Variants in LIG3 observed in about 807,000 individuals in gnomAD.
LIG3 encodes ligase II, DNA, ATP-dependent.
Under a neutral mutation model 110.9 loss-of-function variants are expected in LIG3, and 58 were observed. The observed-to-expected ratio is 0.52, with a 90% CI of 0.42 to 0.65. The LOEUF is 0.65. Ranked by LOEUF, LIG3 falls within the 30% of genes least tolerant of loss-of-function variation. The probability of loss-of-function intolerance (pLI) is 0.00; values close to 1 mark genes in which losing one functional copy is unlikely to be tolerated. For synonymous variants in LIG3, 422 were observed against 472.8 expected (o/e 0.89, Z 1.39); for missense variants, 1,094 against 1,273.8 (o/e 0.86, Z 2.15).
In LIG3 at chr17:35,005,198, C is replaced by T. The variant is rs1195304020; in HGVS notation, c.*692C>T. On this transcript the variant is annotated 3_prime_UTR_variant, in exon 20 of 20. Coordinates refer to ENST00000378526, the MANE Select transcript of LIG3 (RefSeq NM_013975.4). Reference sequence around the variant, plus strand: ...CACTCCTCTGGAGGGATAGAGGGCTCCAGGAAGATCTGCATCCCCAAAACC... The same window carrying T: ...CACTCCTCTGGAGGGATAGAGGGCTTCAGGAAGATCTGCATCCCCAAAACC... 1 of 427,530 alleles carries T rather than the reference C, an allele frequency of 2.3e-6. No homozygotes were observed. The highest frequency in any genetic ancestry group is 4.7e-6 in the Non-Finnish European group (1 of 212,790). 26.5% of individuals were successfully genotyped at this position (427,530 alleles called of 1,614,324 possible).
chr17:35,003,999 G>T, intron 19 of LIG3: 1 of 409,282 alleles, frequency 2.4e-6, no homozygotes, highest in Non-Finnish European at 4.5e-6. Context: ...TGACTGGGTG[G>T]CTCTTATACA....
At chr17:34,981,977 T>G (rs1328854203) in intron 1 of LIG3, among the ~76,000 whole-genome samples, 1 of 152,230 alleles carries the variant, frequency 6.6e-6, no homozygotes, top group Non-Finnish European at 1.5e-5. Flanking sequence ...AGCCTCTTCT[T>G]GAAAGATAAC....
intron 9 of LIG3, among the ~76,000 whole-genome samples, chr17:34,995,653 T>C (rs1050278978): frequency 6.6e-6 from 1 of 152,202 alleles, no homozygotes; most frequent in African/African-American, 2.4e-5. Context: ...AGTTCATTTC[T>C]ACCTTTCTGG....
intron 19 of LIG3, 144 bp downstream of exon 19, chr17:35,002,933 C>G: frequency 6.2e-7 from 1 of 1,611,128 alleles, no homozygotes; most frequent in Admixed American, 1.7e-5. Context: ...GCAGCCACTC[C>G]TCTGTCGTGG....
At position 34,983,036 on chromosome 17, in the gene LIG3, C is replaced by T; in HGVS notation, c.31C>T (p.Gln11Ter). The change falls in exon 2 of 20, where the codon CAA becomes TAA. Residue 11 changes from glutamine (Q) to a stop codon, truncating the protein, a stop_gained. Transcript: ENST00000378526. LOFTEE classifies it high-confidence loss of function. ...TTTGGCTTTCAAGATCTTCTTTCCACAAACCCTCCGTGCACTCAGCCGAAA... is the reference window on the plus strand; with the variant it reads ...TTTGGCTTTCAAGATCTTCTTTCCATAAACCCTCCGTGCACTCAGCCGAAA... MSLAFKIFFP[Q>*]TLRALSRKEL... The T allele has an allele frequency of 6.3e-7, 1 of 1,597,578 alleles. No individual in the cohort carries two copies.
rs1369765098 is a variant in LIG3 at position 35,005,446 on chromosome 17, TATATG to T, written c.*945_*949del. 2 of 560,582 alleles carry T rather than the reference TATATG, an allele frequency of 3.6e-6. No individual in the cohort carries two copies. The highest frequency in any genetic ancestry group is 9.4e-5 in the East Asian group (2 of 21,282). 34.7% of individuals were successfully genotyped at this position (560,582 alleles called of 1,614,324 possible). A position where few individuals can be genotyped will look rare whatever the true frequency, so the allele number is the denominator to read the frequency against. ...ACTTCCTCATGACTGGAGGAATAAT[TATATG>T]ATATTGTTGAACCCCCAAGTATTGG... is the stretch of plus-strand genomic sequence containing the variant. On this transcript the variant is annotated 3_prime_UTR_variant, in exon 20 of 20. Coordinates refer to ENST00000378526, the MANE Select transcript of LIG3 (RefSeq NM_013975.4).
chr17:34,981,432 C>G (rs2090591078), intron 1 of LIG3: 1 of 152,164 alleles, frequency 6.6e-6, no homozygotes, highest in African/African-American at 2.4e-5. Context: ...AGACCTCCTC[C>G]AAAAAACCGT....
rs757272801 is a variant in LIG3, at chr17:34,983,328, G to T, written c.323G>T (p.Cys108Phe). Residue 108 changes from cysteine to phenylalanine, a missense_variant, in exon 2 of 20, where the codon TGC (cysteine) becomes TTC (phenylalanine). Coordinates refer to ENST00000378526, the MANE Select transcript of LIG3 (RefSeq NM_013975.4). Reference sequence around the variant, plus strand: ...CGTGGCACAGCTGGCTGCAAAAAATGCAAGGAAAAGATTGTGAAGGGCGTA... The same window carrying T: ...CGTGGCACAGCTGGCTGCAAAAAATTCAAGGAAAAGATTGTGAAGGGCGTA... ...AKRGTAGCKKCKEKIVKGVCR... is the reference protein window; with the variant it reads ...AKRGTAGCKKFKEKIVKGVCR... 3 of 1,614,254 alleles carry T rather than the reference G, an allele frequency of 1.9e-6. No homozygotes were observed. The South Asian group carries it at 3.3e-5, about 18-fold the overall frequency.
intron 16 of LIG3, 104 bp downstream of exon 16, chr17:34,999,960 A>G: frequency 2.3e-6 from 2 of 888,830 alleles, no homozygotes; most frequent in Non-Finnish European, 3.6e-6. Context: ...CCACCCAGGG[A>G]TAGGGGTCTG....
intron 10 of LIG3, 93 bp from the exon 11 acceptor site, chr17:34,996,481 C>A: frequency 9.9e-7 from 1 of 1,012,002 alleles, no homozygotes; most frequent in Non-Finnish European, 1.5e-6. Context: ...TCATCCGGTG[C>A]CTCAGGGGGC....
At chr17:34,981,774 G>C (rs571338588) in intron 1 of LIG3, among the ~76,000 whole-genome samples, 2 of 152,324 alleles carry the variant, frequency 1.3e-5, no homozygotes, top group East Asian at 3.9e-4. Flanking sequence ...AGCGTGTGCA[G>C]ACTGAACATA....
chr17:35,002,710 A>G lies in LIG3; in HGVS notation c.2717A>G (p.Glu906Gly). Residue 906 changes from glutamate to glycine, a missense_variant, in exon 19 of 20, where the codon GAG (glutamate) becomes GGG (glycine). Glu to Gly is a moderately conservative substitution (Grantham distance 98). Transcript: ENST00000378526. ...TAKPSAMKVG[E>G]KLATKSSPVK... Reference sequence around the variant, plus strand: ...AAGCCTTCCGCTATGAAGGTGGGGGAGAAGCTGGCCACAAAGTCTTCTCCA... The same window carrying G: ...AAGCCTTCCGCTATGAAGGTGGGGGGGAAGCTGGCCACAAAGTCTTCTCCA... 1 of 1,613,606 alleles carries G rather than the reference A, an allele frequency of 6.2e-7. No homozygotes were observed. The highest frequency in any genetic ancestry group is 8.5e-7 in the Non-Finnish European group (1 of 1,179,816).
chr17:34,994,432 G>T lies in LIG3; in HGVS notation c.1611+1G>T. ...TCTCAAGCCCGTCCTTCCTCACAAG[G>T]TATGAGTGCCTTCCTTTCTGCCAGG... On this transcript the variant is annotated splice_donor_variant, in intron 9 of 19. Coordinates refer to ENST00000378526, the MANE Select transcript of LIG3 (RefSeq NM_013975.4). LOFTEE classifies it high-confidence loss of function. The T allele has an allele frequency of 6.2e-7, 1 of 1,612,678 alleles. No individual in the cohort carries two copies. Among genetic ancestry groups the T allele is most frequent in the Non-Finnish European group, 8.5e-7 (1 of 1,179,356 alleles).
At chr17:34,988,136 T>G (rs2090678218) in intron 3 of LIG3, among the ~76,000 whole-genome samples, 1 of 135,252 alleles carries the variant, frequency 7.4e-6, no homozygotes. Flanking sequence ...GAGCCTGCAG[T>G]GAGCCAAGAT....
At chr17:35,002,521 C>G in intron 18 of LIG3, 147 bp from the exon 19 acceptor site, 1 of 779,950 alleles carries the variant, frequency 1.3e-6, no homozygotes, top group Non-Finnish European at 2.0e-6. Context: ...TTTTTAGAGA[C>G]AGGGTCTCAC....
chr17:34,986,174 T>TAGCC, intron 3 of LIG3, 43 bp downstream of exon 3: 2 of 1,582,392 alleles, frequency 1.3e-6, no homozygotes, highest in Non-Finnish European at 1.7e-6. Context: ...AGTGCTGCTT[T>TAGCC]TATTTTGTAT....
chr17:34,994,686 A>G (rs567713363), intron 9 of LIG3, among the ~76,000 whole-genome samples: 90 of 152,198 alleles, frequency 5.9e-4, no homozygotes, highest in Non-Finnish European at 7.9e-4. Context: ...TCTTTTGCCC[A>G]CAGTGATATT....
In LIG3 at chr17:34,989,666, G is replaced by A; in HGVS notation, c.889+3G>A. ...CCTTCGGAAAGGCTCAGCAGGAGGT[G>A]TGGCATGAGCATCCTGAATAGGCCT... On this transcript the variant is annotated splice_donor_region_variant and intron_variant, in intron 4 of 19. Transcript: ENST00000378526. 7 of 1,614,034 alleles carry A rather than the reference G, an allele frequency of 4.3e-6. No homozygotes were observed. Among genetic ancestry groups the A allele is most frequent in the Non-Finnish European group, 5.9e-6 (7 of 1,179,930 alleles).
chr17:34,998,838 C>A, intron 14 of LIG3, 111 bp downstream of exon 14: 1 of 1,367,244 alleles, frequency 7.3e-7, no homozygotes, highest in East Asian at 2.4e-5. Flanking sequence ...TTATGACTTC[C>A]GAAGTCCTAG....
Sources: allele counts gnomAD v4.1 joint callset (sites outside exome capture counted in the v4.1 genomes callset), GRCh38; gene constraint gnomAD v4.1.1; transcripts MANE v1.5; gene names NCBI Gene and HGNC (gene_info 2026-07-23, HGNC 2026-07-21).